FHIT: variants seen among roughly 807,000 people sequenced by gnomAD.
FHIT encodes the protein fragile histidine triad diadenosine triphosphatase, also known as bis(5'-adenosyl)-triphosphatase.
In FHIT, 19 loss-of-function variants were observed where a neutral mutation model predicts 17.9. The observed-to-expected ratio is 1.06, with a 90% CI of 0.74 to 1.56. FHIT has a LOEUF of 1.56. Among genes scored for constraint, FHIT ranks in the 40% most tolerant of loss-of-function variants. FHIT has a pLI of 0.00. For missense variants in FHIT, 248 were observed against 189.2 expected (o/e 1.31, Z -1.82); for synonymous variants, 81 against 69.7 (o/e 1.16, Z -0.81).
intron 7 of FHIT, among the ~76,000 whole-genome samples, chr3:59,978,246 G>A (rs115986702): frequency 0.01 from 1,548 of 152,118 alleles, 31 homozygotes; most frequent in African/African-American, 0.035. Flanking sequence ...GTTTTTACTC[G>A]CTAAAGTTTG....
intron 3 of FHIT, among the ~76,000 whole-genome samples, chr3:60,958,131 G>A (rs1433792012): frequency 6.6e-6 from 1 of 152,100 alleles, no homozygotes; most frequent in African/African-American, 2.4e-5. Flanking sequence ...TTGTTGTGGG[G>A]CTTTCAAGAA....
In FHIT at chr3:59,843,253, A is replaced by G. The variant is rs147255379; in HGVS notation, c.348+79093T>C. ...TGAAGGTTTACTTTTGGACTCCTCT[A>G]TCCTCTATTCTATTCCATTGATGTA... On this transcript the variant is annotated intron_variant, in intron 8 of 9. Transcript: ENST00000492590. Among the ~76,000 whole-genome samples the G allele has an allele frequency of 3.9e-5, 6 of 152,250 alleles. No homozygotes were observed. In the East Asian group the frequency reaches 9.6e-4, roughly 24 times the overall value.
At chr3:61,232,693 C>T (rs2040136189) in intron 1 of FHIT, among the ~76,000 whole-genome samples, 1 of 152,098 alleles carries the variant, frequency 6.6e-6, no homozygotes, top group Non-Finnish European at 1.5e-5. Flanking sequence ...TGTAGTAGGC[C>T]AGACCACAGG....
intron 8 of FHIT, among the ~76,000 whole-genome samples, chr3:59,792,862 C>T: frequency 7.6e-6 from 1 of 131,216 alleles, no homozygotes; most frequent in African/African-American, 3.5e-5. Context: ...GTTTGGAGGT[C>T]CTTATTTTTT....
chr3:60,812,940 A>G (rs1461888109), intron 4 of FHIT, among the ~76,000 whole-genome samples: 6 of 152,130 alleles, frequency 3.9e-5, no homozygotes, highest in Non-Finnish European at 7.4e-5. Context: ...TTGAACTTAT[A>G]TAACTATTGT....
intron 5 of FHIT, among the ~76,000 whole-genome samples, chr3:60,046,363 C>T (rs559481327): frequency 2.3e-4 from 35 of 152,314 alleles, no homozygotes; most frequent in African/African-American, 7.2e-4. Flanking sequence ...CAACCAGCTG[C>T]GTCTGTCAAT....
At chr3:60,205,368 G>T (rs1028973677) in intron 5 of FHIT, among the ~76,000 whole-genome samples, 1 of 152,108 alleles carries the variant, frequency 6.6e-6, no homozygotes, top group African/African-American at 2.4e-5. Context: ...CATATTAGCA[G>T]GTTGACAAAT....
intron 4 of FHIT, among the ~76,000 whole-genome samples, chr3:60,734,094 C>T (rs1189629128): frequency 2.0e-5 from 3 of 152,164 alleles, no homozygotes; most frequent in Non-Finnish European, 2.9e-5. Context: ...TTGGGACTTC[C>T]TTTCAAGATG....
At chr3:60,762,752 TCAATTAGTTGA>T (rs57101337) in intron 4 of FHIT, among the ~76,000 whole-genome samples, 26,669 of 152,012 alleles carry the variant, frequency 0.18, 3,776 homozygotes, top group African/African-American at 0.39. Context: ...TGGGCCTCAT[TCAATTAGTTGA>T]CAATTAGTTG....
At chr3:60,338,084 G>A (rs1238299083) in intron 5 of FHIT, among the ~76,000 whole-genome samples, 1 of 152,076 alleles carries the variant, frequency 6.6e-6, no homozygotes. Context: ...TCATACCTGA[G>A]ATGCAGCAGG....
intron 5 of FHIT, among the ~76,000 whole-genome samples, chr3:60,430,923 G>T (rs1348680145): frequency 1.3e-5 from 2 of 151,844 alleles, no homozygotes; most frequent in African/African-American, 4.8e-5. Context: ...TCTCAGTCCT[G>T]GTTTTGGGCC....
intron 4 of FHIT, among the ~76,000 whole-genome samples, chr3:60,694,448 A>G (rs1212435862): frequency 6.6e-6 from 1 of 152,154 alleles, no homozygotes; most frequent in African/African-American, 2.4e-5. Context: ...AAATAGGAAC[A>G]CTTTTACATT....
At chr3:59,825,371 A>C (rs1700941086) in intron 8 of FHIT, among the ~76,000 whole-genome samples, 2 of 152,170 alleles carry the variant, frequency 1.3e-5, no homozygotes. Flanking sequence ...TGTTAATGGC[A>C]CTTTCATTTA....
chr3:60,774,810 A>G (rs1553724115), intron 4 of FHIT, among the ~76,000 whole-genome samples: 1 of 152,208 alleles, frequency 6.6e-6, no homozygotes, highest in African/African-American at 2.4e-5. Context: ...GACATCACAG[A>G]TACATGGGAT....
In FHIT at chr3:60,084,964, T is replaced by C. The variant is rs1296172985; in HGVS notation, c.104-70812A>G. 3.3e-5 allele frequency among the ~76,000 whole-genome samples: 5 copies of C among 152,266 alleles called. No homozygotes were observed. In the East Asian group the frequency reaches 9.7e-4, roughly 29 times the overall value. ...CTAGAGGCCAAAGGCAGAGACCATGTCTTCTTTTCTATATGTTGGAGGCAC... is the reference window on the plus strand; with the variant it reads ...CTAGAGGCCAAAGGCAGAGACCATGCCTTCTTTTCTATATGTTGGAGGCAC... On this transcript the variant is annotated intron_variant, in intron 5 of 9. Coordinates refer to ENST00000492590, the MANE Select transcript of FHIT (RefSeq NM_002012.4).
chr3:60,878,600 C>T (rs1575634038), intron 3 of FHIT, among the ~76,000 whole-genome samples: 1 of 152,184 alleles, frequency 6.6e-6, no homozygotes, highest in Middle Eastern at 3.4e-3. Context: ...ATTAACTCGT[C>T]ATTTACATTA....
chr3:59,858,918 T>G (rs1702291207), intron 8 of FHIT, among the ~76,000 whole-genome samples: 1 of 152,172 alleles, frequency 6.6e-6, no homozygotes, highest in Non-Finnish European at 1.5e-5. Context: ...GAAATAATAA[T>G]AAGTGTGTGT....
At chr3:60,945,655 A>G (rs1487390032) in intron 3 of FHIT, among the ~76,000 whole-genome samples, 2 of 152,108 alleles carry the variant, frequency 1.3e-5, no homozygotes, top group Non-Finnish European at 2.9e-5. Context: ...CAGCCTCCCT[A>G]TTACAGGGTT....
rs546456317 is a variant in FHIT, at chr3:59,940,539, G to A, written c.280-18125C>T. Among the ~76,000 whole-genome samples, 23 of 152,242 alleles carry A rather than the reference G, an allele frequency of 1.5e-4. No individual in the cohort carries two copies. In the East Asian group the frequency reaches 4.2e-3, roughly 28 times the overall value. On this transcript the variant is annotated intron_variant, in intron 7 of 9. Coordinates refer to ENST00000492590, the MANE Select transcript of FHIT (RefSeq NM_002012.4). ...GTGAAAAACTTTGCTTGGGGAGGGA[G>A]ATGGAAGGCAGAGAACGAGGGTTTC...
Sources: gnomAD v4.1 joint callset for allele counts (sites outside exome capture counted in the v4.1 genomes callset) on GRCh38, gnomAD v4.1.1 for gene constraint, MANE v1.5 for transcripts, NCBI Gene and HGNC (gene_info 2026-07-23, HGNC 2026-07-21) for gene names.